Variants in MAP3K14 observed in about 807,000 individuals in gnomAD.
The protein encoded by MAP3K14 is mitogen-activated protein kinase kinase kinase 14, also known as NF-kappa-beta-inducing kinase.
A neutral mutation model predicts 99.2 loss-of-function variants in MAP3K14; 16 were observed. The observed-to-expected ratio is 0.16, with a 90% CI of 0.11 to 0.24. The LOEUF is 0.24. Ranked by LOEUF, MAP3K14 falls within the 10% of genes least tolerant of loss-of-function variation. The probability of loss-of-function intolerance (pLI) is 1.00; values close to 1 mark genes in which losing one functional copy is unlikely to be tolerated. For synonymous variants in MAP3K14, 462 were observed against 492.4 expected (o/e 0.94, Z 0.82); for missense variants, 784 against 1,208.7 (o/e 0.65, Z 5.21).
intron 6 of MAP3K14, among the ~76,000 whole-genome samples, chr17:45,281,367 G>C (rs1235725918): frequency 1.4e-5 from 2 of 143,602 alleles, no homozygotes; most frequent in Non-Finnish European, 1.5e-5. Flanking sequence ...TTTTGAGGCA[G>C]AGTCTCACTC....
At chr17:45,309,856 G>C (rs191103446) in intron 1 of MAP3K14, among the ~76,000 whole-genome samples, 1 of 152,134 alleles carries the variant, frequency 6.6e-6, no homozygotes, top group African/African-American at 2.4e-5. Flanking sequence ...GCATATATTT[G>C]CAAGTATCTA....
At chr17:45,316,847 T>C (rs1167535967) in intron 1 of MAP3K14, 113 bp downstream of exon 1, 1 of 151,590 alleles carries the variant, frequency 6.6e-6, no homozygotes, top group Non-Finnish European at 1.5e-5. Flanking sequence ...CCGACCCCAC[T>C]GCTCCGGGGC....
At chr17:45,309,053 G>A (rs1268045439) in intron 1 of MAP3K14, among the ~76,000 whole-genome samples, 1 of 152,130 alleles carries the variant, frequency 6.6e-6, no homozygotes, top group Admixed American at 6.5e-5. Flanking sequence ...GGCCTAAAAG[G>A]CAATCCTCCT....
At chr17:45,266,813 G>A in intron 13 of MAP3K14, 132 bp from the exon 14 acceptor site, 1 of 987,094 alleles carries the variant, frequency 1.0e-6, no homozygotes, top group South Asian at 1.7e-5. Flanking sequence ...GCCTCCATGG[G>A]GGACGAAGGC....
chr17:45,288,940 C>G (rs1177149164), intron 3 of MAP3K14, among the ~76,000 whole-genome samples: 2 of 152,178 alleles, frequency 1.3e-5, no homozygotes, highest in African/African-American at 4.8e-5. Context: ...TTCCCAGCAC[C>G]CTCCCTGTTG....
intron 6 of MAP3K14, among the ~76,000 whole-genome samples, chr17:45,281,098 A>C (rs2044218865): frequency 6.6e-6 from 1 of 150,962 alleles, no homozygotes; most frequent in Non-Finnish European, 1.5e-5. Flanking sequence ...GTAGGATCCC[A>C]TTTCTTGTGG....
intron 1 of MAP3K14, among the ~76,000 whole-genome samples, chr17:45,297,088 G>C (rs375080741): frequency 1.7e-4 from 26 of 152,292 alleles, no homozygotes; most frequent in African/African-American, 5.8e-4. Context: ...GGCTTAGAGA[G>C]GTACATTACC....
rs745933560 is a variant in MAP3K14, at chr17:45,274,553, C to T, written c.1331G>A (p.Cys444Tyr). ...EVFRAEELMA[C>Y]AGLTSPRIVP... ...AATTCTGGGTGAGGTCAATCCTGCA[C>T]ATGCCATCAGCTCCTCTGCCCGAAA... Residue 444 changes from cysteine (C) to tyrosine (Y), a missense_variant, in exon 7 of 16, where the codon TGT becomes TAT. This residue lies in a region of MAP3K14 where 200 missense variants were observed against 367.9 expected (regional missense o/e 0.54). Transcript: ENST00000344686. 34 of 1,613,884 alleles carry T rather than the reference C, an allele frequency of 2.1e-5. No individual in the cohort carries two copies. The highest frequency in any genetic ancestry group is 2.6e-5 in the Non-Finnish European group (31 of 1,179,912).
rs753923383 is a variant in MAP3K14, at chr17:45,267,494, G to A, written c.2238C>T (p.Ser746=). 6.2e-7 allele frequency: 1 copy of A among 1,612,528 alleles called. No homozygotes were observed. Among genetic ancestry groups the A allele is most frequent in the African/African-American group, 1.3e-5 (1 of 74,922 alleles). The change falls in exon 12 of 16, where the codon TCC becomes TCT. Residue 746 remains serine (S), a synonymous_variant. Transcript: ENST00000344686. The surrounding 1 kb of genome is among the most constrained non-coding windows in gnomAD (Gnocchi z 5.1). ...ESGMWEPLPL[S]SLEPAPARNP... ...TTCTGGCAGGGGCTGGCTCCAGGGA[G>A]GACAGAGGTAAGGGTTCCCACATCC...
intron 1 of MAP3K14, among the ~76,000 whole-genome samples, chr17:45,306,128 T>A (rs1232893322): frequency 6.6e-6 from 1 of 152,216 alleles, no homozygotes; most frequent in Non-Finnish European, 1.5e-5. Flanking sequence ...GTGCATTTTT[T>A]TCTTGAATCC....
At chr17:45,269,969 C>G (rs4792811) in intron 11 of MAP3K14, among the ~76,000 whole-genome samples, 120,697 of 152,080 alleles carry the variant, frequency 0.79, 48,438 homozygotes, top group East Asian at 0.9. Flanking sequence ...ACTGGCATGG[C>G]TAGGGGGTGC....
intron 1 of MAP3K14, among the ~76,000 whole-genome samples, chr17:45,306,030 T>C (rs2044427663): frequency 6.6e-6 from 1 of 152,248 alleles, no homozygotes; most frequent in Non-Finnish European, 1.5e-5. Flanking sequence ...CTGCTATTTG[T>C]ATACACATAA....
chr17:45,306,013 C>A (rs2044427554), intron 1 of MAP3K14, among the ~76,000 whole-genome samples: 1 of 152,228 alleles, frequency 6.6e-6, no homozygotes, highest in Non-Finnish European at 1.5e-5. Context: ...TTGAGTGTTA[C>A]AACAATCTGC....
intron 1 of MAP3K14, among the ~76,000 whole-genome samples, chr17:45,312,730 A>C (rs1439193478): frequency 6.6e-6 from 1 of 152,142 alleles, no homozygotes; most frequent in Non-Finnish European, 1.5e-5. Context: ...TTAAAGGGGA[A>C]TCTGCAAGTC....
At chr17:45,289,659 AT>A (rs1190879580) in intron 2 of MAP3K14, among the ~76,000 whole-genome samples, 5 of 152,366 alleles carry the variant, frequency 3.3e-5, no homozygotes, top group African/African-American at 4.8e-5. Context: ...GCTATTAGGT[AT>A]TTATATATGT....
intron 3 of MAP3K14, among the ~76,000 whole-genome samples, chr17:45,287,676 T>C (rs2143823115): frequency 6.6e-6 from 1 of 152,360 alleles, no homozygotes; most frequent in African/African-American, 2.4e-5. Flanking sequence ...ACTATGGTGA[T>C]GGGGTACAGA....
chr17:45,275,257 C>T (rs536411164), intron 6 of MAP3K14, among the ~76,000 whole-genome samples: 76 of 151,918 alleles, frequency 5.0e-4, no homozygotes, highest in African/African-American at 1.7e-3. Context: ...AGATCGAGGT[C>T]GGGAGATCAA....
rs1351911408 is a variant in MAP3K14, at chr17:45,270,422, G to A, written c.1963C>T (p.Leu655=). 6.2e-7 allele frequency: 1 copy of A among 1,611,438 alleles called. No homozygotes were observed. Among genetic ancestry groups the A allele is most frequent in the East Asian group, 2.2e-5 (1 of 44,792 alleles). Residue 655 remains leucine, a synonymous_variant, in exon 11 of 16, where the codon CTA becomes TTA. Transcript: ENST00000344686. ...GTGGGGCTCTTCCTACCTTGCTGTAGTGCCCGGTTCACCTTCCCTCCCAGC... is the reference window on the plus strand; with the variant it reads ...GTGGGGCTCTTCCTACCTTGCTGTAATGCCCGGTTCACCTTCCCTCCCAGC... The part of the protein sequence containing the change: ...AELGGKVNRA[L]QQVGGLKSPW...
intron 6 of MAP3K14, among the ~76,000 whole-genome samples, chr17:45,276,954 T>TG (rs1464507505): frequency 6.7e-6 from 1 of 148,672 alleles, no homozygotes; most frequent in Non-Finnish European, 1.5e-5. Context: ...CTCAGCCTCC[T>TG]GAGTAGCTGG....
Sources: allele counts gnomAD v4.1 joint callset (sites outside exome capture counted in the v4.1 genomes callset), GRCh38; gene constraint gnomAD v4.1.1; regional missense constraint gnomAD v4.1.1; non-coding constraint Gnocchi (gnomAD v3.1); transcripts MANE v1.5; gene names NCBI Gene and HGNC (gene_info 2026-07-23, HGNC 2026-07-21).